Variants in NRBP2 observed in about 807,000 individuals in gnomAD.
NRBP2 encodes nuclear receptor binding protein 2.
In NRBP2, 47 loss-of-function variants were observed where a neutral mutation model predicts 74.4. The ratio of observed to expected loss-of-function variants is 0.63; its 90% CI spans 0.50 to 0.81. The LOEUF (loss-of-function observed/expected upper bound fraction) is 0.81, where lower values mean the gene tolerates loss of function less well. NRBP2 is among the 30% of genes least tolerant of loss of function. NRBP2 has a pLI of 0.00. For synonymous variants in NRBP2, 312 were observed against 273.8 expected (o/e 1.14, Z -1.38); for missense variants, 613 against 690.1 (o/e 0.89, Z 1.25).
At chr8:143,832,865 A>G (rs1229955282), downstream of NRBP2, among the ~76,000 whole-genome samples, 1 of 152,148 alleles carries the variant, frequency 6.6e-6, no homozygotes, top group East Asian at 1.9e-4. Flanking sequence ...TTCTTTCTCT[A>G]TACTTTTGTC....
In NRBP2 at chr8:143,835,434, G is replaced by A. The variant is rs1234875011; in HGVS notation, c.*228C>T. 4 of 633,352 alleles carry A rather than the reference G, an allele frequency of 6.3e-6. No homozygotes were observed. Among genetic ancestry groups the A allele is most frequent in the Non-Finnish European group, 1.1e-5 (4 of 357,682 alleles). 39.2% of individuals were successfully genotyped at this position (633,352 alleles called of 1,614,324 possible). A position where few individuals can be genotyped will look rare whatever the true frequency, so the allele number is the denominator to read the frequency against. On this transcript the variant is annotated 3_prime_UTR_variant, in exon 18 of 18. Transcript: ENST00000442628. The surrounding 1 kb of genome is among the most constrained non-coding windows in gnomAD (Gnocchi z 4.9). ...GGGAAGGGGTTCTGGGGGCAACCCTGATCCTAAGGACCTGGGAGGCCTAAC... is the reference window on the plus strand; with the variant it reads ...GGGAAGGGGTTCTGGGGGCAACCCTAATCCTAAGGACCTGGGAGGCCTAAC...
At chr8:143,830,549 A>G (rs1818114223), downstream of NRBP2, among the ~76,000 whole-genome samples, 2 of 152,232 alleles carry the variant, frequency 1.3e-5, no homozygotes, top group African/African-American at 4.8e-5. Flanking sequence ...CTCAGAGAAG[A>G]GGGCTCCTCT....
In NRBP2 at chr8:143,837,142, G is replaced by C; in HGVS notation, c.1160C>G (p.Ala387Gly). The C allele has an allele frequency of 6.2e-7, 1 of 1,612,242 alleles. No homozygotes were observed. Residue 387 changes from alanine (A) to glycine (G), a missense_variant, in exon 14 of 18, where the codon GCC becomes GGC. Transcript: ENST00000442628. The surrounding 1 kb of genome is among the most constrained non-coding windows in gnomAD (Gnocchi z 4.3). Reference sequence around the variant, plus strand: ...ACGGGGCAGCCCCAGGGGTCGAGTGGCTGCAAAGTTCATCAGTGGGTAGAT... The same window carrying C: ...ACGGGGCAGCCCCAGGGGTCGAGTGCCTGCAAAGTTCATCAGTGGGTAGAT... ...NGIYPLMNFAATRPLGLPRVL... is the reference protein window; with the variant it reads ...NGIYPLMNFAGTRPLGLPRVL...
chr8:143,837,357 C>CGGGGAGGGGAGGTGT lies in NRBP2; in HGVS notation c.1076+35_1076+49dup, dbSNP rs782272838. On this transcript the variant is annotated intron_variant, in intron 12 of 17. Coordinates refer to ENST00000442628, the MANE Select transcript of NRBP2 (RefSeq NM_178564.4). The surrounding 1 kb of genome is among the most constrained non-coding windows in gnomAD (Gnocchi z 4.3). ...GGCCGGGGCGAGGGGAGGGGAGGTG[C>CGGGGAGGGGAGGTGT]GGGGAGGGGAGGTGTGGGGAGGGGA... 4.8e-5 allele frequency: 5 copies of CGGGGAGGGGAGGTGT among 105,088 alleles called. No homozygotes were observed. Among genetic ancestry groups the CGGGGAGGGGAGGTGT allele is most frequent in the Non-Finnish European group, 7.0e-5 (4 of 57,234 alleles). 6.5% of individuals were successfully genotyped at this position (105,088 alleles called of 1,614,324 possible). A position where few individuals can be genotyped will look rare whatever the true frequency, so the allele number is the denominator to read the frequency against.
rs782337962 is a variant in NRBP2 at position 143,838,921 on chromosome 8, C to T, written c.706G>A (p.Ala236Thr). 1.7e-5 allele frequency: 27 copies of T among 1,609,346 alleles called. No homozygotes were observed. Among genetic ancestry groups the T allele is most frequent in the East Asian group, 2.2e-5 (1 of 44,688 alleles). ...ATCCCAAAGGAGAAGATGTCCACAG[C>T]GGTCCCATCGGCCACCTCTGAACAG... Reference protein sequence around the residue: ...PEYGEVADGTAVDIFSFGMCA... With the variant: ...PEYGEVADGTTVDIFSFGMCA... The change falls in exon 9 of 18, where the codon GCT becomes ACT. Residue 236 changes from alanine to threonine, a missense_variant. Physicochemically the swap from Ala to Thr is moderately conservative, Grantham distance 58. Around this residue, in one of 2 missense-constraint regions of NRBP2, gnomAD observed 332 missense variants for 429.2 expected, o/e 0.77. Transcript: ENST00000442628.
Position 143,840,717 on chromosome 8 carries a change from G to A in NRBP2, c.118C>T (p.Arg40Ter), listed in dbSNP as rs1045689371. Residue 40 changes from arginine (R) to a stop codon, truncating the protein, a stop_gained, in exon 1 of 18, where the codon CGA (arginine) becomes TGA (stop). Coordinates refer to ENST00000442628, the MANE Select transcript of NRBP2 (RefSeq NM_178564.4). LOFTEE classifies it high-confidence loss of function. This position sits in a 1 kb window ranked among gnomAD's most constrained non-coding sequence, Gnocchi z 5.7. ...EESPCGRWQK[R>*]REQVNQGNMP... is the part of the protein sequence containing the mutation. ...ACCCCCGCGCCCACCTGCTCCCGTC[G>A]CTTTTGCCAGCGACCACACGGGCTT... 3 of 1,508,078 alleles carry A rather than the reference G, an allele frequency of 2.0e-6. No homozygotes were observed. The African/African-American group carries it at 4.3e-5, about 22-fold the overall frequency. The allele number at this position is 1,508,078 out of a possible 1,614,324, so 93.4% of individuals were successfully genotyped here.
chr8:143,835,826 G>C lies in NRBP2; in HGVS notation c.1431C>G (p.Leu477=), dbSNP rs1428476472. The C allele has an allele frequency of 1.4e-5, 22 of 1,601,598 alleles. No homozygotes were observed. Among genetic ancestry groups the C allele is most frequent in the Non-Finnish European group, 1.9e-5 (22 of 1,175,746 alleles). ...GCCGCACCGCCCAGCGCACCTCGTGGAGGAAGCCATAGTGCACGAGCTCCG... is the reference window on the plus strand; with the variant it reads ...GCCGCACCGCCCAGCGCACCTCGTGCAGGAAGCCATAGTGCACGAGCTCCG... ...LASELVHYGF[L]HEDDRMKLAA... Residue 477 remains leucine (L), a synonymous_variant, in exon 17 of 18, where the codon CTC becomes CTG. Transcript: ENST00000442628. The surrounding 1 kb of genome is among the most constrained non-coding windows in gnomAD (Gnocchi z 4.9).
chr8:143,835,995 G>A lies in NRBP2; in HGVS notation c.1353C>T (p.His451=). Residue 451 remains histidine (H), a synonymous_variant, in exon 16 of 18, where the codon CAC becomes CAT. Transcript: ENST00000442628. This position sits in a 1 kb window ranked among gnomAD's most constrained non-coding sequence, Gnocchi z 4.9. ...TLLLVLEDRL[H]RQLTYDLLPT... ...GGAGCAGGTCGTAGGTCAGCTGCCG[G>A]TGCAGCCGGTCTTCCAGCACCAGAA... The A allele has an allele frequency of 1.9e-6, 3 of 1,578,420 alleles. No individual in the cohort carries two copies. Among genetic ancestry groups the A allele is most frequent in the Non-Finnish European group, 2.6e-6 (3 of 1,162,536 alleles).
Position 143,837,893 on chromosome 8 carries a change from G to A in NRBP2, c.841-138C>T. 4 of 1,090,274 alleles carry A rather than the reference G, an allele frequency of 3.7e-6. No individual in the cohort carries two copies. Among genetic ancestry groups the A allele is most frequent in the Non-Finnish European group, 5.4e-6 (4 of 738,902 alleles). 67.5% of individuals were successfully genotyped at this position (1,090,274 alleles called of 1,614,324 possible). ...GACATGCAGGGATGCCCATAGGGAG[G>A]AGTCCCAGCAGCAGCAGCCAGGCCA... is the stretch of plus-strand genomic sequence containing the variant. On this transcript the variant is annotated intron_variant, in intron 10 of 17. Transcript: ENST00000442628. This position sits in a 1 kb window ranked among gnomAD's most constrained non-coding sequence, Gnocchi z 4.3.
downstream of NRBP2, among the ~76,000 whole-genome samples, chr8:143,830,739 GAAA>G (rs1401885758): frequency 6.6e-6 from 1 of 152,142 alleles, no homozygotes; most frequent in Non-Finnish European, 1.5e-5. Context: ...AGACACCTGA[GAAA>G]GAAGAAAAGG....
Position 143,839,601 on chromosome 8 carries a change from T to C in NRBP2, c.445-52A>G, listed in dbSNP as rs1554653095. ...GTCGGGTGGGCGCAGGAGAGGCGGC[T>C]GGGCCTGCGGAGCCCGCCCCGCATC... On this transcript the variant is annotated intron_variant, in intron 4 of 17. Transcript: ENST00000442628. The surrounding 1 kb of genome is among the most constrained non-coding windows in gnomAD (Gnocchi z 5.1). 2.0e-6 allele frequency: 3 copies of C among 1,512,576 alleles called. No individual in the cohort carries two copies. Among genetic ancestry groups the C allele is most frequent in the African/African-American group, 1.4e-5 (1 of 72,210 alleles). 93.7% of individuals were successfully genotyped at this position (1,512,576 alleles called of 1,614,324 possible).
rs1242585316 is a variant in NRBP2, at chr8:143,839,805, G to A, written c.375C>T (p.Tyr125=). The A allele has an allele frequency of 6.5e-6, 10 of 1,536,062 alleles. No individual in the cohort carries two copies. Among genetic ancestry groups the A allele is most frequent in the Middle Eastern group, 1.7e-4 (1 of 5,988 alleles). Reference sequence around the variant, plus strand: ...ATTGCTTGAGGCTGCCTGATGACACGTACTCTGTGATGAAGATGACCTGCA... The same window carrying A: ...ATTGCTTGAGGCTGCCTGATGACACATACTCTGTGATGAAGATGACCTGCA... ...ACARVIFITE[Y]VSSGSLKQFL... is the part of the protein sequence containing the mutation. Residue 125 remains tyrosine (Y), a synonymous_variant, in exon 4 of 18, where the codon TAC becomes TAT. Coordinates refer to ENST00000442628, the MANE Select transcript of NRBP2 (RefSeq NM_178564.4). The surrounding 1 kb of genome is among the most constrained non-coding windows in gnomAD (Gnocchi z 5.1).
rs1818473921 is a variant in NRBP2 at position 143,837,563 on chromosome 8, C to T, written c.974-54G>A. 3 of 1,594,466 alleles carry T rather than the reference C, an allele frequency of 1.9e-6. No homozygotes were observed. The South Asian group carries it at 3.4e-5, about 18-fold the overall frequency. On this transcript the variant is annotated intron_variant, in intron 11 of 17. Transcript: ENST00000442628. This position sits in a 1 kb window ranked among gnomAD's most constrained non-coding sequence, Gnocchi z 4.3. ...TGCTCAGGCCGTGGGTCCTGCAGGGCCCCTTCCACGTCCCAACCTCCACCT... is the reference window on the plus strand; with the variant it reads ...TGCTCAGGCCGTGGGTCCTGCAGGGTCCCTTCCACGTCCCAACCTCCACCT...
rs2130557868 is a variant in NRBP2 at position 143,839,640 on chromosome 8, T to C, written c.445-91A>G. ...CCGCCCCGCATCCTCGCCCAGCCCC[T>C]GTCCGAGGCCGCCGGGCACCCCCTC... is the stretch of plus-strand genomic sequence containing the variant. On this transcript the variant is annotated intron_variant, in intron 4 of 17. Coordinates refer to ENST00000442628, the MANE Select transcript of NRBP2 (RefSeq NM_178564.4). This position sits in a 1 kb window ranked among gnomAD's most constrained non-coding sequence, Gnocchi z 5.1. The C allele has an allele frequency of 2.6e-6, 4 of 1,511,898 alleles. No individual in the cohort carries two copies. The highest frequency in any genetic ancestry group is 3.5e-6 in the Non-Finnish European group (4 of 1,134,240). 93.7% of individuals were successfully genotyped at this position (1,511,898 alleles called of 1,614,324 possible). A position where few individuals can be genotyped will look rare whatever the true frequency, so the allele number is the denominator to read the frequency against.
Position 143,839,118 on chromosome 8 carries a change from G to C in NRBP2, c.605-18C>G, listed in dbSNP as rs1554652831. ...TGGAAGTGCTGTGGGAGGGCGCAGA[G>C]CTGAGCGGGCGGGGACCTCTCCAGG... On this transcript the variant is annotated intron_variant, in intron 7 of 17. Coordinates refer to ENST00000442628, the MANE Select transcript of NRBP2 (RefSeq NM_178564.4). The surrounding 1 kb of genome is among the most constrained non-coding windows in gnomAD (Gnocchi z 5.1). 3 of 1,514,740 alleles carry C rather than the reference G, an allele frequency of 2.0e-6. No homozygotes were observed. The highest frequency in any genetic ancestry group is 2.6e-6 in the Non-Finnish European group (3 of 1,133,864). 93.8% of individuals were successfully genotyped at this position (1,514,740 alleles called of 1,614,324 possible). A position where few individuals can be genotyped will look rare whatever the true frequency, so the allele number is the denominator to read the frequency against.
Position 143,840,322 on chromosome 8 carries a change from AGCGTGGGCT to A in NRBP2, c.130-102_130-94del. The stretch of plus-strand genomic sequence containing the variant: ...TGTCCACACCTTTCCAGTGGGCCCA[AGCGTGGGCT>A]GCAGGCCCTGAGCCACTCTGCGGGA... On this transcript the variant is annotated intron_variant, in intron 1 of 17. Coordinates refer to ENST00000442628, the MANE Select transcript of NRBP2 (RefSeq NM_178564.4). This position sits in a 1 kb window ranked among gnomAD's most constrained non-coding sequence, Gnocchi z 5.7. The A allele has an allele frequency of 6.8e-7, 1 of 1,475,254 alleles. No individual in the cohort carries two copies. The highest frequency in any genetic ancestry group is 9.1e-7 in the Non-Finnish European group (1 of 1,104,838). 91.4% of individuals were successfully genotyped at this position (1,475,254 alleles called of 1,614,324 possible). A position where few individuals can be genotyped will look rare whatever the true frequency, so the allele number is the denominator to read the frequency against.
In NRBP2 at chr8:143,840,545, G is replaced by T; in HGVS notation, c.129+161C>A. 1.3e-6 allele frequency: 1 copy of T among 766,436 alleles called. No homozygotes were observed. Among genetic ancestry groups the T allele is most frequent in the Non-Finnish European group, 2.0e-6 (1 of 499,094 alleles). 47.5% of individuals were successfully genotyped at this position (766,436 alleles called of 1,614,324 possible). A position where few individuals can be genotyped will look rare whatever the true frequency, so the allele number is the denominator to read the frequency against. Reference sequence around the variant, plus strand: ...TCAGGGAGTCCCAGGGCGAGCGCCAGGCCAAAGGGGTCCAGGGGTGGCTGA... The same window carrying T: ...TCAGGGAGTCCCAGGGCGAGCGCCATGCCAAAGGGGTCCAGGGGTGGCTGA... On this transcript the variant is annotated intron_variant, in intron 1 of 17. Transcript: ENST00000442628. This position sits in a 1 kb window ranked among gnomAD's most constrained non-coding sequence, Gnocchi z 5.7.
rs1462688866 is a variant in NRBP2 at position 143,837,139 on chromosome 8, G to A, written c.1163C>T (p.Thr388Ile). 1 of 1,612,372 alleles carries A rather than the reference G, an allele frequency of 6.2e-7. No homozygotes were observed. Among genetic ancestry groups the A allele is most frequent in the Non-Finnish European group, 8.5e-7 (1 of 1,178,802 alleles). The change falls in exon 14 of 18, where the codon ACT becomes ATT. Residue 388 changes from threonine (T) to isoleucine (I), a missense_variant. Around this residue, in one of 2 missense-constraint regions of NRBP2, gnomAD observed 281 missense variants for 260.9 expected, o/e 1.08. Transcript: ENST00000442628. This position sits in a 1 kb window ranked among gnomAD's most constrained non-coding sequence, Gnocchi z 4.3. ...GIYPLMNFAA[T>I]RPLGLPRVLA... is the part of the protein sequence containing the mutation. ...CACACGGGGCAGCCCCAGGGGTCGA[G>A]TGGCTGCAAAGTTCATCAGTGGGTA...
intron 14 of NRBP2, 67 bp from the exon 15 acceptor site, chr8:143,836,247 G>A (rs1818378845): frequency 2.1e-6 from 3 of 1,451,270 alleles, no homozygotes; most frequent in Non-Finnish European, 2.7e-6. Flanking sequence ...CCCCAAAGGG[G>A]CCGGGAAGGG....
Sources: gnomAD v4.1 joint callset for allele counts (sites outside exome capture counted in the v4.1 genomes callset) on GRCh38, gnomAD v4.1.1 for gene constraint, gnomAD v4.1.1 regional missense constraint, Gnocchi (gnomAD v3.1) non-coding constraint, MANE v1.5 for transcripts, NCBI Gene and HGNC (gene_info 2026-07-23, HGNC 2026-07-21) for gene names.